Variants in CAPN15 observed in about 807,000 individuals in gnomAD.
CAPN15 encodes the protein calpain 15, also known as calpain-15.
A neutral mutation model predicts 97.9 loss-of-function variants in CAPN15; 53 were observed. The ratio of observed to expected loss-of-function variants is 0.54; its 90% CI spans 0.43 to 0.68. CAPN15 has a LOEUF of 0.68. Among genes scored for constraint, CAPN15 ranks in the 30% least tolerant of loss-of-function variants. The pLI is 0.00. For missense variants in CAPN15, 1,592 were observed against 1,589.8 expected (o/e 1.00, Z -0.02); for synonymous variants, 922 against 722.5 (o/e 1.28, Z -4.43).
chr16:539,142 C>T (rs1416906727), intron 3 of CAPN15: 1 of 152,348 alleles, frequency 6.6e-6, no homozygotes, highest in Non-Finnish European at 1.5e-5. Flanking sequence ...AGGTGATCCC[C>T]CACGCACGGC....
chr16:553,570 C>T lies in CAPN15; in HGVS notation c.*54C>T. ...CAGACGGACCCCCCACCCCCACACG[C>T]ACTTTATGAGGGAGACCCCGACAGA... On this transcript the variant is annotated 3_prime_UTR_variant, in exon 14 of 14. Transcript: ENST00000219611. 6 of 1,170,526 alleles carry T rather than the reference C, an allele frequency of 5.1e-6. No homozygotes were observed. The highest frequency in any genetic ancestry group is 4.3e-5 in the South Asian group (3 of 70,360). The allele number at this position is 1,170,526 out of a possible 1,614,324, so 72.5% of individuals were successfully genotyped here. A position where few individuals can be genotyped will look rare whatever the true frequency, so the allele number is the denominator to read the frequency against.
intron 1 of CAPN15, among the ~76,000 whole-genome samples, chr16:529,590 T>C (rs1169673405): frequency 6.6e-6 from 1 of 152,190 alleles, no homozygotes; most frequent in African/African-American, 2.4e-5. Context: ...CCACAGGTGT[T>C]GTTCATGGGC....
intron 2 of CAPN15, among the ~76,000 whole-genome samples, chr16:534,344 G>C (rs1422979666): frequency 2.6e-5 from 4 of 151,146 alleles, no homozygotes; most frequent in Non-Finnish European, 5.9e-5. Flanking sequence ...GCCTGTGCAC[G>C]GCCCCCACCG....
intron 3 of CAPN15, chr16:539,990 G>C (rs1814411506): frequency 6.1e-6 from 5 of 815,678 alleles, no homozygotes; most frequent in Non-Finnish European, 5.9e-6. Context: ...CAGGCGGCTG[G>C]GCATGCTGGG....
At chr16:530,533 TGTCTCGCTGCAGGGA>T (rs2033175703) in intron 1 of CAPN15, among the ~76,000 whole-genome samples, 2 of 152,192 alleles carry the variant, frequency 1.3e-5, no homozygotes, top group African/African-American at 4.8e-5. Flanking sequence ...TTTGCATGTG[TGTCTCGCTGCAGGGA>T]GGCTGTGGGT....
chr16:538,225 T>A (rs2033867482), intron 3 of CAPN15: 2 of 151,976 alleles, frequency 1.3e-5, no homozygotes, highest in Admixed American at 1.3e-4. Flanking sequence ...TGCAGGCGAG[T>A]GAGCCAGGCT....
At chr16:543,844 T>C (rs1340201031) in intron 3 of CAPN15, among the ~76,000 whole-genome samples, 3 of 152,158 alleles carry the variant, frequency 2.0e-5, no homozygotes, top group Non-Finnish European at 4.4e-5. Context: ...CCTGCCTGGC[T>C]CGCTGCCCTG....
At position 553,557 on chromosome 16, in the gene CAPN15, C is replaced by T; in HGVS notation, c.*41C>T. The T allele has an allele frequency of 1.5e-6, 2 of 1,338,968 alleles. No homozygotes were observed. The highest frequency in any genetic ancestry group is 1.0e-6 in the Non-Finnish European group (1 of 956,924). 82.9% of individuals were successfully genotyped at this position (1,338,968 alleles called of 1,614,324 possible). Reference sequence around the variant, plus strand: ...CAGGGGCTGTGCACAGACGGACCCCCCACCCCCACACGCACTTTATGAGGG... The same window carrying T: ...CAGGGGCTGTGCACAGACGGACCCCTCACCCCCACACGCACTTTATGAGGG... On this transcript the variant is annotated 3_prime_UTR_variant, in exon 14 of 14. Transcript: ENST00000219611.
At chr16:542,983 G>T (rs11862615) in intron 3 of CAPN15, among the ~76,000 whole-genome samples, 1 of 150,170 alleles carries the variant, frequency 6.7e-6, no homozygotes, top group Non-Finnish European at 1.5e-5. Flanking sequence ...CTTGGGAGGC[G>T]GAGGTTGCAG....
At chr16:531,679 G>A (rs971878552) in intron 1 of CAPN15, among the ~76,000 whole-genome samples, 5 of 146,710 alleles carry the variant, frequency 3.4e-5, no homozygotes, top group Admixed American at 1.3e-4. Context: ...TCTCTGGGGT[G>A]ACAGGTGCCC....
chr16:542,158 T>C (rs59681805), intron 3 of CAPN15, among the ~76,000 whole-genome samples: 2,203 of 152,356 alleles, frequency 0.014, 31 homozygotes, highest in Middle Eastern at 0.031. Flanking sequence ...TTTCATTCAC[T>C]GCTCCTTTGC....
chr16:545,471 T>G (rs1596343477), intron 3 of CAPN15, among the ~76,000 whole-genome samples: 2 of 152,182 alleles, frequency 1.3e-5, no homozygotes, highest in Admixed American at 6.5e-5. Flanking sequence ...GCCTTCGCCC[T>G]CCTCACCCGT....
chr16:532,907 C>A (rs1438948950), intron 1 of CAPN15, among the ~76,000 whole-genome samples: 1 of 150,170 alleles, frequency 6.7e-6, no homozygotes, highest in Non-Finnish European at 1.5e-5. Flanking sequence ...ACCTGCACAC[C>A]ATCCTCATGC....
Position 554,313 on chromosome 16 carries a change from C to A in CAPN15, c.*797C>A, listed in dbSNP as rs930346215. 3 of 361,858 alleles carry A rather than the reference C, an allele frequency of 8.3e-6. No individual in the cohort carries two copies. Among genetic ancestry groups the A allele is most frequent in the African/African-American group, 6.4e-5 (3 of 46,804 alleles). 22.4% of individuals were successfully genotyped at this position (361,858 alleles called of 1,614,324 possible). ...GCCGCTCCCACCTCCCCACAGAAGC[C>A]CAGGAGTGTGTGGACGTCTGAGCCC... On this transcript the variant is annotated 3_prime_UTR_variant, in exon 14 of 14. Coordinates refer to ENST00000219611, the MANE Select transcript of CAPN15 (RefSeq NM_005632.3).
Position 552,534 on chromosome 16 carries a change from C to G in CAPN15, c.2737+4C>G. 1 of 1,594,852 alleles carries G rather than the reference C, an allele frequency of 6.3e-7. No homozygotes were observed. Among genetic ancestry groups the G allele is most frequent in the Non-Finnish European group, 8.5e-7 (1 of 1,175,022 alleles). On this transcript the variant is annotated splice_donor_region_variant and intron_variant, in intron 11 of 13. Transcript: ENST00000219611. This position sits in a 1 kb window ranked among gnomAD's most constrained non-coding sequence, Gnocchi z 6.4. Reference sequence around the variant, plus strand: ...CCGGGCACCCCTGCCCCCCAGGGTACGTGGCCCCTACCCCAGGCTCATGCC... The same window carrying G: ...CCGGGCACCCCTGCCCCCCAGGGTAGGTGGCCCCTACCCCAGGCTCATGCC...
At position 549,695 on chromosome 16, in the gene CAPN15, G is replaced by C. The variant is rs202164006; in HGVS notation, c.1923G>C (p.Ala641=). The change falls in exon 7 of 14, where the codon GCG becomes GCC. Residue 641 remains alanine, a synonymous_variant. Transcript: ENST00000219611. ...KLHGSYFALQ[A]GRAIEGLATL... ...ACGGCTCCTACTTTGCGCTCCAGGCGGGCCGCGCCATCGAAGGCCTGGCCA... is the reference window on the plus strand; with the variant it reads ...ACGGCTCCTACTTTGCGCTCCAGGCCGGCCGCGCCATCGAAGGCCTGGCCA... The C allele has an allele frequency of 1.3e-6, 2 of 1,563,484 alleles. No individual in the cohort carries two copies. The highest frequency in any genetic ancestry group is 3.7e-5 in the Admixed American group (2 of 54,464).
rs147419136 is a variant in CAPN15 at position 551,569 on chromosome 16, C to T, written c.2250C>T (p.Asp750=). ...TCTCCTGGAACGGCAGCTGGTCCGA[C>T]GAGTGGCCACACTGGCCGGGGCACC... ...GRFSWNGSWS[D]EWPHWPGHLR... is the part of the protein sequence containing the mutation. Residue 750 remains aspartate, a synonymous_variant, in exon 9 of 14, where the codon GAC becomes GAT. Coordinates refer to ENST00000219611, the MANE Select transcript of CAPN15 (RefSeq NM_005632.3). The T allele has an allele frequency of 2.4e-4, 392 of 1,611,470 alleles. No individual in the cohort carries two copies. The highest frequency in any genetic ancestry group is 8.4e-4 in the African/African-American group (63 of 75,040).
At position 549,368 on chromosome 16, in the gene CAPN15, AG is replaced by A; in HGVS notation, c.1742del (p.Gly581AlafsTer103). 1 of 1,598,166 alleles carries A rather than the reference AG, an allele frequency of 6.3e-7. No individual in the cohort carries two copies. On this transcript the variant is annotated frameshift_variant, in exon 6 of 14. Coordinates refer to ENST00000219611, the MANE Select transcript of CAPN15 (RefSeq NM_005632.3). LOFTEE classifies it high-confidence loss of function. ...RVMVTRSLCA[E>X]GAYQVRLCKD... ...ATGGTCACGCGCAGCCTGTGTGCAG[AG>A]GGCGCCTACCAGGTGCGGCTGTGCA...
chr16:553,582 G>C lies in CAPN15; in HGVS notation c.*66G>C. The C allele has an allele frequency of 2.9e-6, 3 of 1,039,248 alleles. No individual in the cohort carries two copies. Among genetic ancestry groups the C allele is most frequent in the South Asian group, 1.6e-5 (1 of 61,722 alleles). 64.4% of individuals were successfully genotyped at this position (1,039,248 alleles called of 1,614,324 possible). A position where few individuals can be genotyped will look rare whatever the true frequency, so the allele number is the denominator to read the frequency against. ...CCACCCCCACACGCACTTTATGAGG[G>C]AGACCCCGACAGAGGACGCTTGAGC... On this transcript the variant is annotated 3_prime_UTR_variant, in exon 14 of 14. Coordinates refer to ENST00000219611, the MANE Select transcript of CAPN15 (RefSeq NM_005632.3).
Sources: allele counts gnomAD v4.1 joint callset (sites outside exome capture counted in the v4.1 genomes callset), GRCh38; gene constraint gnomAD v4.1.1; non-coding constraint Gnocchi (gnomAD v3.1); transcripts MANE v1.5; gene names NCBI Gene and HGNC (gene_info 2026-07-23, HGNC 2026-07-21).